The following PARG variants were observed in gnomAD, a reference collection of about 807,000 sequenced individuals.
The protein encoded by PARG is poly(ADP-ribose) glycohydrolase, also known as mitochondrial poly(ADP-ribose) glycohydrolase.
In PARG, 35 loss-of-function variants were observed where a neutral mutation model predicts 113.0. The ratio of observed to expected loss-of-function variants is 0.31; its 90% CI spans 0.24 to 0.41. The LOEUF (loss-of-function observed/expected upper bound fraction) is 0.41, where lower values mean the gene tolerates loss of function less well. Ranked by LOEUF, PARG falls within the 10% of genes least tolerant of loss-of-function variation. The pLI is 1.00. For missense variants in PARG, 797 were observed against 1,169.4 expected, an observed-to-expected ratio of 0.68 and a Z score of 4.64; for synonymous variants, 330 against 409.9, an observed-to-expected ratio of 0.81 and a Z score of 2.36.
At chr10:49,843,120 A>G (rs1845327632) in intron 14 of PARG, among the ~76,000 whole-genome samples, 1 of 152,250 alleles carries the variant, frequency 6.6e-6, no homozygotes, top group Non-Finnish European at 1.5e-5. Context: ...TCTGCCATCA[A>G]CTGGTTTGTG....
At chr10:49,918,915 G>A (rs1837646914) in intron 6 of PARG, among the ~76,000 whole-genome samples, 1 of 152,102 alleles carries the variant, frequency 6.6e-6, no homozygotes, top group African/African-American at 2.4e-5. Context: ...TAAGCAGACT[G>A]TGTAAGTTAA....
intron 13 of PARG, among the ~76,000 whole-genome samples, chr10:49,853,176 G>A (rs1256845135): frequency 6.6e-6 from 1 of 151,380 alleles, no homozygotes; most frequent in Non-Finnish European, 1.5e-5. Flanking sequence ...TGGGACTACA[G>A]GCACCTGCCA....
intron 4 of PARG, among the ~76,000 whole-genome samples, chr10:49,926,733 T>C (rs1204939781): frequency 6.6e-6 from 1 of 152,186 alleles, no homozygotes; most frequent in Admixed American, 6.5e-5. Context: ...CTTCAAGATA[T>C]CCTGCCTTTT....
chr10:49,926,040 T>C (rs1838145837), intron 4 of PARG, among the ~76,000 whole-genome samples: 2 of 152,054 alleles, frequency 1.3e-5, no homozygotes, highest in Non-Finnish European at 2.9e-5. Context: ...AAACATTTGA[T>C]TTTTTTAGAT....
At chr10:49,918,576 T>C (rs1837630062) in intron 6 of PARG, among the ~76,000 whole-genome samples, 1 of 152,246 alleles carries the variant, frequency 6.6e-6, no homozygotes, top group Non-Finnish European at 1.5e-5. Context: ...ATTATTTATA[T>C]AAGTACTACT....
intron 14 of PARG, 131 bp downstream of exon 14, chr10:49,843,423 C>T (rs782103071): frequency 3.9e-4 from 265 of 675,094 alleles, no homozygotes; most frequent in Admixed American, 1.8e-3. Context: ...ACCTGTAATG[C>T]TGATTTCTTT....
At chr10:49,846,746 ATGTG>A (rs35901101) in intron 13 of PARG, among the ~76,000 whole-genome samples, 28,452 of 149,150 alleles carry the variant, frequency 0.19, 3,138 homozygotes, top group Non-Finnish European at 0.27. Flanking sequence ...ACAGTTGTAT[ATGTG>A]TGTGTGTGTG....
chr10:49,925,824 C>T (rs1212946782), intron 4 of PARG, among the ~76,000 whole-genome samples: 3 of 152,212 alleles, frequency 2.0e-5, no homozygotes, highest in Non-Finnish European at 4.4e-5. Context: ...GCTCAAAATC[C>T]TAAGGAAATT....
At chr10:49,911,493 T>C (rs1172808774) in intron 7 of PARG, among the ~76,000 whole-genome samples, 6 of 152,290 alleles carry the variant, frequency 3.9e-5, no homozygotes, top group African/African-American at 1.4e-4. Context: ...GATTGTGTGT[T>C]TGTAGCACTT....
intron 9 of PARG, among the ~76,000 whole-genome samples, chr10:49,873,520 T>C (rs1187846954): frequency 6.6e-6 from 1 of 151,018 alleles, no homozygotes; most frequent in African/African-American, 2.4e-5. Context: ...AGTGATCAAG[T>C]TCCAGTTGTG....
intron 7 of PARG, among the ~76,000 whole-genome samples, chr10:49,899,959 C>T (rs1848276481): frequency 6.6e-6 from 1 of 152,094 alleles, no homozygotes; most frequent in Non-Finnish European, 1.5e-5. Flanking sequence ...TTTTAAAGTA[C>T]TCTGTAATTC....
intron 7 of PARG, among the ~76,000 whole-genome samples, chr10:49,891,485 A>C (rs1847779874): frequency 6.7e-6 from 1 of 149,892 alleles, no homozygotes; most frequent in African/African-American, 2.4e-5. Context: ...ATCAAAATCT[A>C]TATGAAACGT....
chr10:49,843,724 A>C (rs546951352), intron 13 of PARG, 92 bp from the exon 14 acceptor site: 3 of 843,168 alleles, frequency 3.6e-6, no homozygotes, highest in African/African-American at 1.7e-5. Flanking sequence ...TCTGTTTAGC[A>C]CTGTACTGAA....
At chr10:49,836,137 TTTCA>T (rs1554831042) in intron 15 of PARG, among the ~76,000 whole-genome samples, 2 of 152,106 alleles carry the variant, frequency 1.3e-5, no homozygotes, top group African/African-American at 2.4e-5. Flanking sequence ...AAAAGATGTC[TTTCA>T]TTATCATGTA....
intron 13 of PARG, among the ~76,000 whole-genome samples, chr10:49,849,596 A>C (rs1465739906): frequency 2.6e-5 from 4 of 152,260 alleles, no homozygotes; most frequent in East Asian, 1.9e-4. Context: ...CATACGTCCA[A>C]ACTTACATAA....
chr10:49,891,356 T>A (rs1270590774), intron 7 of PARG, among the ~76,000 whole-genome samples: 4 of 151,290 alleles, frequency 2.6e-5, no homozygotes, highest in Non-Finnish European at 5.9e-5. Flanking sequence ...AAAAAATCAA[T>A]CACAAATCAA....
chr10:49,823,593 T>C (rs980639033), intron 16 of PARG, among the ~76,000 whole-genome samples: 1 of 152,288 alleles, frequency 6.6e-6, no homozygotes, highest in Middle Eastern at 3.4e-3. Context: ...AAAGTTTCAA[T>C]ACACCCTATT....
intron 7 of PARG, among the ~76,000 whole-genome samples, chr10:49,905,214 G>A (rs1296147023): frequency 6.6e-6 from 1 of 152,212 alleles, no homozygotes; most frequent in African/African-American, 2.4e-5. Flanking sequence ...AAATCTCTCC[G>A]AGAGGTATTA....
intron 15 of PARG, among the ~76,000 whole-genome samples, chr10:49,838,519 C>A (rs1010960534): frequency 4.0e-5 from 6 of 150,728 alleles, no homozygotes; most frequent in Admixed American, 4.0e-4. Flanking sequence ...AGCTATGTGA[C>A]CTGGCCTGCG....
Sources: allele counts gnomAD v4.1 joint callset (sites outside exome capture counted in the v4.1 genomes callset), GRCh38; gene constraint gnomAD v4.1.1; transcripts MANE v1.5; gene names NCBI Gene and HGNC (gene_info 2026-07-23, HGNC 2026-07-21).